DOCK8: variants seen among roughly 807,000 people sequenced by gnomAD.
The protein encoded by DOCK8 is dedicator of cytokinesis 8.
Under a neutral mutation model 245.6 loss-of-function variants are expected in DOCK8, and 141 were observed. That is an observed-to-expected ratio of 0.57 (90% CI 0.50 to 0.66). The LOEUF is 0.66. Ranked by LOEUF, DOCK8 falls within the 30% of genes least tolerant of loss-of-function variation. The pLI is 0.00. For missense variants in DOCK8, 2,965 were observed against 2,603.4 expected, an observed-to-expected ratio of 1.14 and a Z score of -3.02; for synonymous variants, 1,168 against 970.2, an observed-to-expected ratio of 1.20 and a Z score of -3.79.
At chr9:291,526 G>T (rs1038232057) in intron 4 of DOCK8, among the ~76,000 whole-genome samples, 2 of 151,870 alleles carry the variant, frequency 1.3e-5, no homozygotes, top group Admixed American at 6.6e-5. Context: ...CTCTTCCTTT[G>T]CTATTAAATA....
intron 5 of DOCK8, among the ~76,000 whole-genome samples, chr9:306,921 A>G (rs4741773): frequency 0.61 from 92,468 of 152,002 alleles, 29,421 homozygotes; most frequent in East Asian, 0.8. Flanking sequence ...AAGATCTCAG[A>G]GGGAAAAACC....
chr9:398,301 G>C (rs539410063), intron 25 of DOCK8, among the ~76,000 whole-genome samples: 9 of 152,140 alleles, frequency 5.9e-5, no homozygotes, highest in African/African-American at 1.9e-4. Flanking sequence ...ACCTCTCAGC[G>C]GCACGGTAGC....
rs10758616 is a variant in DOCK8, at chr9:446,920, C to A, written c.5817+314C>A. The stretch of plus-strand genomic sequence containing the variant: ...AAACTTGTACAACAGATATATTTAC[C>A]TTTTAAATATTTTATATAAAATTTT... On this transcript the variant is annotated intron_variant, in intron 44 of 47. Transcript: ENST00000432829. 0.77 allele frequency among the ~76,000 whole-genome samples: 116,434 copies of A among 151,502 alleles called. 45,355 individuals are homozygous for A. Among genetic ancestry groups the A allele is most frequent in the East Asian group, 0.99 (5,158 of 5,186 alleles).
chr9:390,362 C>T (rs1288107917), intron 23 of DOCK8, 109 bp from the exon 24 acceptor site: 78 of 1,002,554 alleles, frequency 7.8e-5, no homozygotes, highest in Non-Finnish European at 1.2e-4. Context: ...ACACATGCTT[C>T]AGGAACGAAC....
chr9:342,270 C>T (rs1309154162), intron 14 of DOCK8, among the ~76,000 whole-genome samples: 1 of 147,036 alleles, frequency 6.8e-6, no homozygotes, highest in African/African-American at 2.5e-5. Flanking sequence ...TTTTGTCACT[C>T]AAAAGATTGA....
intron 41 of DOCK8, 25 bp downstream of exon 41, chr9:441,442 G>A: frequency 6.2e-7 from 1 of 1,614,034 alleles, no homozygotes; most frequent in Non-Finnish European, 8.5e-7. Flanking sequence ...TGGCTGGCAG[G>A]TCTTGTTACC....
chr9:431,853 G>A (rs769360557), intron 36 of DOCK8, among the ~76,000 whole-genome samples: 4 of 152,076 alleles, frequency 2.6e-5, no homozygotes, highest in Non-Finnish European at 4.4e-5. Flanking sequence ...GGCACAAAAG[G>A]ATATACTGTA....
rs117142098 is a variant in DOCK8 at position 253,056 on chromosome 9, C to T, written c.54-18571C>T. Reference sequence around the variant, plus strand: ...CCTAATTTTATTAATATTCTTTTTACACTCCATCCCTCCTGGAAAAGGACT... The same window carrying T: ...CCTAATTTTATTAATATTCTTTTTATACTCCATCCCTCCTGGAAAAGGACT... On this transcript the variant is annotated intron_variant, in intron 1 of 47. Transcript: ENST00000432829. 9.7e-3 allele frequency among the ~76,000 whole-genome samples: 1,475 copies of T among 152,198 alleles called. 12 individuals carry two copies. Among genetic ancestry groups the T allele is most frequent in the Non-Finnish European group, 0.016 (1,086 of 67,996 alleles).
chr9:439,336 C>G lies in DOCK8; in HGVS notation c.5171C>G (p.Thr1724Ser). Reference protein sequence around the residue: ...EDGVCAGQYFTESGLVGLLEQ... With the variant: ...EDGVCAGQYFSESGLVGLLEQ... ...GGGGTGTGCGCAGGCCAGTACTTCA[C>G]CGAGAGTGGCCTGGTAGGCCTCCTG... Residue 1724 changes from threonine to serine, a missense_variant, in exon 40 of 48, where the codon ACC becomes AGC. Transcript: ENST00000432829. The G allele has an allele frequency of 1.9e-6, 3 of 1,614,162 alleles. No homozygotes were observed. Among genetic ancestry groups the G allele is most frequent in the Non-Finnish European group, 1.7e-6 (2 of 1,180,032 alleles).
At chr9:451,927 G>A (rs7858613) in intron 45 of DOCK8, 84 bp from the exon 46 acceptor site, 10 of 252,006 alleles carry the variant, frequency 4.0e-5, no homozygotes, top group African/African-American at 2.5e-4. Flanking sequence ...ACATATATAT[G>A]TATGTGTATA....
Position 464,899 on chromosome 9 carries a change from G to A in DOCK8, c.*680G>A, listed in dbSNP as rs901991421. 2.6e-5 allele frequency: 4 copies of A among 153,496 alleles called. No individual in the cohort carries two copies. The highest frequency in any genetic ancestry group is 1.9e-4 in the East Asian group (1 of 5,190). 9.5% of individuals were successfully genotyped at this position (153,496 alleles called of 1,614,324 possible). On this transcript the variant is annotated 3_prime_UTR_variant, in exon 48 of 48. Transcript: ENST00000432829. ...CAAAGCACTGATGTAGGAGATACAC[G>A]GTACTTGGAGCAGTCAGCCAGAAAT... is the stretch of plus-strand genomic sequence containing the variant.
At chr9:449,734 A>G (rs764407670) in intron 44 of DOCK8, 50 bp from the exon 45 acceptor site, 5 of 1,611,568 alleles carry the variant, frequency 3.1e-6, no homozygotes, top group Non-Finnish European at 4.2e-6. Flanking sequence ...GCTTGTCCAT[A>G]GCTTATGAGA....
rs528731357 is a variant in DOCK8, at chr9:297,752, G to C, written c.405-6829G>C. On this transcript the variant is annotated intron_variant, in intron 4 of 47. Transcript: ENST00000432829. ...CTCCCCAGCCAGGTTCACCCTTGCT[G>C]CTGTCAAGGAGCTTTGAGACTTTCT... Among the ~76,000 whole-genome samples the C allele has an allele frequency of 2.0e-5, 3 of 152,320 alleles. No homozygotes were observed. In the South Asian group the frequency reaches 6.2e-4, roughly 32 times the overall value.
chr9:399,158 G>A lies in DOCK8; in HGVS notation c.3133G>A (p.Ala1045Thr). 4 of 1,613,982 alleles carry A rather than the reference G, an allele frequency of 2.5e-6. No individual in the cohort carries two copies. The highest frequency in any genetic ancestry group is 1.1e-5 in the South Asian group (1 of 91,080). Residue 1045 changes from alanine (A) to threonine (T), a missense_variant, in exon 26 of 48, where the codon GCG becomes ACG. Physicochemically the swap from Ala to Thr is moderately conservative, Grantham distance 58 (BLOSUM62 0). Transcript: ENST00000432829. ...LVKPQKENEQ[A>T]EKMNISLAFF... is the part of the protein sequence containing the mutation. Reference sequence around the variant, plus strand: ...GTTTGTTTTTAAGGAAAATGAACAGGCGGAAAAGATGAACATCAGCCTGGC... The same window carrying A: ...GTTTGTTTTTAAGGAAAATGAACAGACGGAAAAGATGAACATCAGCCTGGC...
intron 22 of DOCK8, among the ~76,000 whole-genome samples, chr9:385,042 G>C (rs901597280): frequency 6.6e-6 from 1 of 152,242 alleles, no homozygotes; most frequent in African/African-American, 2.4e-5. Flanking sequence ...ACAAAAATCA[G>C]TTCAGGGATG....
chr9:308,058 G>A (rs1018586956), intron 5 of DOCK8, among the ~76,000 whole-genome samples: 1 of 152,186 alleles, frequency 6.6e-6, no homozygotes, highest in Admixed American at 6.5e-5. Context: ...GGGAAGGATG[G>A]ATGGAGAAGG....
At chr9:231,062 T>G (rs1477740809) in intron 1 of DOCK8, among the ~76,000 whole-genome samples, 2 of 152,216 alleles carry the variant, frequency 1.3e-5, no homozygotes, top group Non-Finnish European at 2.9e-5. Flanking sequence ...TTAATCCATC[T>G]TGAATTACTT....
At chr9:281,247 C>CA (rs35178052) in intron 2 of DOCK8, among the ~76,000 whole-genome samples, 82 of 142,428 alleles carry the variant, frequency 5.8e-4, no homozygotes, top group East Asian at 2.5e-3. Context: ...GACTCTGTCT[C>CA]AAAAAAAAAA....
chr9:238,855 G>A (rs980458082), intron 1 of DOCK8, among the ~76,000 whole-genome samples: 1 of 152,172 alleles, frequency 6.6e-6, no homozygotes, highest in East Asian at 1.9e-4. Context: ...TCCAGTTCGG[G>A]GTCGTGGATG....
Sources: allele counts gnomAD v4.1 joint callset (sites outside exome capture counted in the v4.1 genomes callset), GRCh38; gene constraint gnomAD v4.1.1; transcripts MANE v1.5; gene names NCBI Gene and HGNC (gene_info 2026-07-23, HGNC 2026-07-21).